The following STMND1 variants were observed in gnomAD, a reference collection of about 807,000 sequenced individuals.
STMND1 encodes stathmin domain containing 1, also known as stathmin domain-containing protein 1.
Under a neutral mutation model 23.0 loss-of-function variants are expected in STMND1, and 17 were observed. The observed-to-expected ratio is 0.74, with a 90% CI of 0.51 to 1.11. STMND1 has a LOEUF of 1.11. Ranked by LOEUF, STMND1 falls within the 50% of genes least tolerant of loss-of-function variation. The probability of loss-of-function intolerance (pLI) is 0.00; values close to 1 mark genes in which losing one functional copy is unlikely to be tolerated. For missense variants in STMND1, 305 were observed against 329.1 expected (o/e 0.93, Z 0.57); for synonymous variants, 114 against 119.9 (o/e 0.95, Z 0.32).
intron 3 of STMND1, among the ~76,000 whole-genome samples, chr6:17,127,262 T>C (rs115795071): frequency 1.2e-3 from 189 of 152,312 alleles, no homozygotes; most frequent in African/African-American, 4.2e-3. Flanking sequence ...AGAGAGTCAA[T>C]GCACACGCTG....
chr6:17,119,446 G>A (rs1476284404), intron 2 of STMND1, among the ~76,000 whole-genome samples: 1 of 152,208 alleles, frequency 6.6e-6, no homozygotes, highest in Non-Finnish European at 1.5e-5. Context: ...GCTCATGCCT[G>A]TAATCCCAGC....
In STMND1 at chr6:17,110,250, G is replaced by A. The variant is rs146598440; in HGVS notation, c.82-4712G>A. Reference sequence around the variant, plus strand: ...CAGAGAGTGGGAGGTTAGGCATGGCGTCACGTGCCTGTAGTCCTAGCTACT... The same window carrying A: ...CAGAGAGTGGGAGGTTAGGCATGGCATCACGTGCCTGTAGTCCTAGCTACT... On this transcript the variant is annotated intron_variant, in intron 1 of 4. Transcript: ENST00000536551. Among the ~76,000 whole-genome samples, 420 of 152,260 alleles carry A rather than the reference G, an allele frequency of 2.8e-3. 2 individuals carry two copies. The highest frequency in any genetic ancestry group is 3.1e-3 in the Non-Finnish European group (210 of 68,032).
In STMND1 at chr6:17,130,976, C is replaced by T; in HGVS notation, c.*95C>T. On this transcript the variant is annotated 3_prime_UTR_variant, in exon 5 of 5. Coordinates refer to ENST00000536551, the MANE Select transcript of STMND1 (RefSeq NM_001190766.2). ...ATTCTTTGACTGACTGACCTCATTC[C>T]ACTGGGATTTCTGCCTTGGGCTTAA... 1 of 1,211,664 alleles carries T rather than the reference C, an allele frequency of 8.3e-7. No homozygotes were observed. Among genetic ancestry groups the T allele is most frequent in the Admixed American group, 2.7e-5 (1 of 37,198 alleles). 75.1% of individuals were successfully genotyped at this position (1,211,664 alleles called of 1,614,324 possible).
Position 17,102,212 on chromosome 6 carries a change from G to T in STMND1, c.-46G>T, listed in dbSNP as rs1464473355. 9 of 1,494,294 alleles carry T rather than the reference G, an allele frequency of 6.0e-6. No homozygotes were observed. In the East Asian group the frequency reaches 2.2e-4, roughly 36 times the overall value. The allele number at this position is 1,494,294 out of a possible 1,614,324, so 92.6% of individuals were successfully genotyped here. ...GAGCGCGGCAGGGAGCGCTCGCGGGGGCGCACAGCAGCCAAGCCCGCGGAG... is the reference window on the plus strand; with the variant it reads ...GAGCGCGGCAGGGAGCGCTCGCGGGTGCGCACAGCAGCCAAGCCCGCGGAG... On this transcript the variant is annotated 5_prime_UTR_variant, in exon 1 of 5. Coordinates refer to ENST00000536551, the MANE Select transcript of STMND1 (RefSeq NM_001190766.2).
chr6:17,122,289 A>G (rs1269409128), intron 3 of STMND1, among the ~76,000 whole-genome samples: 1 of 152,004 alleles, frequency 6.6e-6, no homozygotes, highest in Non-Finnish European at 1.5e-5. Flanking sequence ...CCCAAGCACT[A>G]CCAGTAGTCC....
chr6:17,126,480 A>G (rs1459739512), intron 3 of STMND1, among the ~76,000 whole-genome samples: 2 of 152,172 alleles, frequency 1.3e-5, no homozygotes, highest in African/African-American at 4.8e-5. Flanking sequence ...GTCAAGGTTC[A>G]GGCTCCTATG....
chr6:17,123,599 T>G (rs2113490370), intron 3 of STMND1, among the ~76,000 whole-genome samples: 1 of 152,238 alleles, frequency 6.6e-6, no homozygotes, highest in East Asian at 1.9e-4. Context: ...CCCAGGTGAT[T>G]CCCATGGGCA....
At chr6:17,125,430 A>G (rs1426103498) in intron 3 of STMND1, among the ~76,000 whole-genome samples, 2 of 152,144 alleles carry the variant, frequency 1.3e-5, no homozygotes, top group Non-Finnish European at 2.9e-5. Context: ...TCTCCCCGCC[A>G]CTTAGCACAT....
intron 1 of STMND1, among the ~76,000 whole-genome samples, chr6:17,108,323 A>G (rs921935465): frequency 1.4e-5 from 2 of 141,132 alleles, no homozygotes; most frequent in African/African-American, 5.3e-5. Flanking sequence ...TAGACTGAAA[A>G]TATTCAAATT....
Position 17,129,902 on chromosome 6 carries a change from G to C in STMND1, c.543+659G>C, listed in dbSNP as rs550306690. Among the ~76,000 whole-genome samples, 5 of 152,254 alleles carry C rather than the reference G, an allele frequency of 3.3e-5. No homozygotes were observed. In the East Asian group the frequency reaches 9.7e-4, roughly 30 times the overall value. On this transcript the variant is annotated intron_variant, in intron 4 of 4. Coordinates refer to ENST00000536551, the MANE Select transcript of STMND1 (RefSeq NM_001190766.2). ...GGGTCTCATTATGTAGCCCAGGCTG[G>C]TCTTAAATTTCTGGCCTCAAATGAT...
chr6:17,116,293 G>A (rs1477088326), intron 2 of STMND1, among the ~76,000 whole-genome samples: 5 of 152,150 alleles, frequency 3.3e-5, no homozygotes, highest in African/African-American at 9.7e-5. Flanking sequence ...AAAATGCAGC[G>A]TCAAGGAGTC....
chr6:17,110,450 C>T lies in STMND1; in HGVS notation c.82-4512C>T, dbSNP rs566480772. On this transcript the variant is annotated intron_variant, in intron 1 of 4. Coordinates refer to ENST00000536551, the MANE Select transcript of STMND1 (RefSeq NM_001190766.2). ...AGACTCGGCAGGAAAGAAAAGTGCC[C>T]CTTGGGCCAAAAAGTCAAATCAATA... is the stretch of plus-strand genomic sequence containing the variant. 1.5e-3 allele frequency: 252 copies of T among 165,174 alleles called. 2 individuals are homozygous for T. The Middle Eastern group carries it at 0.021, about 14-fold the overall frequency. The allele number at this position is 165,174 out of a possible 1,614,324, so 10.2% of individuals were successfully genotyped here.
chr6:17,123,739 A>G (rs1761260946), intron 3 of STMND1, among the ~76,000 whole-genome samples: 1 of 152,232 alleles, frequency 6.6e-6, no homozygotes, highest in South Asian at 2.1e-4. Flanking sequence ...GTGAAAGAGA[A>G]TTCTGAAATA....
chr6:17,102,510 C>T (rs1760956490), intron 1 of STMND1, among the ~76,000 whole-genome samples, 172 bp downstream of exon 1: 1 of 152,120 alleles, frequency 6.6e-6, no homozygotes, highest in Non-Finnish European at 1.5e-5. Context: ...GCTGTCTTAA[C>T]CGGGACTAGA....
chr6:17,111,333 T>C (rs1003344716), intron 1 of STMND1, among the ~76,000 whole-genome samples: 1 of 152,204 alleles, frequency 6.6e-6, no homozygotes, highest in East Asian at 1.9e-4. Context: ...TAATATAAAA[T>C]GTGCATATCC....
At chr6:17,117,667 CTTTT>C (rs34107338) in intron 2 of STMND1, among the ~76,000 whole-genome samples, 2 of 49,568 alleles carry the variant, frequency 4.0e-5, no homozygotes, top group East Asian at 6.5e-4. Flanking sequence ...TTGGGTTACG[CTTTT>C]TTTTTTTTTT....
chr6:17,118,467 A>G (rs981930063), intron 2 of STMND1, among the ~76,000 whole-genome samples: 2 of 152,194 alleles, frequency 1.3e-5, no homozygotes, highest in African/African-American at 4.8e-5. Context: ...GAAGCACAAC[A>G]TGGTTTTTAA....
chr6:17,122,501 T>C (rs1761247497), intron 3 of STMND1, among the ~76,000 whole-genome samples: 1 of 152,166 alleles, frequency 6.6e-6, no homozygotes. Flanking sequence ...ACTCATTATT[T>C]AAATCAAATT....
Position 17,102,299 on chromosome 6 carries a change from T to A in STMND1, c.42T>A (p.Arg14=). The A allele has an allele frequency of 6.5e-7, 1 of 1,535,972 alleles. No homozygotes were observed. The highest frequency in any genetic ancestry group is 8.7e-7 in the Non-Finnish European group (1 of 1,146,860). The change falls in exon 1 of 5, where the codon CGT becomes CGA. Residue 14 remains arginine, a synonymous_variant. Coordinates refer to ENST00000536551, the MANE Select transcript of STMND1 (RefSeq NM_001190766.2). ...GPSQPAEDRR[R]VRAPKKGWKE... Reference sequence around the variant, plus strand: ...CCCAACCTGCTGAAGACCGGAGACGTGTACGCGCGCCCAAGAAGGGCTGGA... The same window carrying A: ...CCCAACCTGCTGAAGACCGGAGACGAGTACGCGCGCCCAAGAAGGGCTGGA...
Sources: allele counts gnomAD v4.1 joint callset (sites outside exome capture counted in the v4.1 genomes callset), GRCh38; gene constraint gnomAD v4.1.1; transcripts MANE v1.5; gene names NCBI Gene and HGNC (gene_info 2026-07-23, HGNC 2026-07-21).